RHBDL2: variants seen among roughly 807,000 people sequenced by gnomAD.
The protein encoded by RHBDL2 is rhomboid like 2, also known as rhomboid-related protein 2.
RHBDL2 carries 26 observed loss-of-function variants against 31.7 expected under a neutral mutation model. The observed-to-expected ratio is 0.82, with a 90% CI of 0.60 to 1.14. RHBDL2 has a LOEUF of 1.14. RHBDL2 is among the 50% of genes most tolerant of loss of function. The probability of loss-of-function intolerance (pLI) is 0.00; values close to 1 mark genes in which losing one functional copy is unlikely to be tolerated. For synonymous variants in RHBDL2, 123 were observed against 127.2 expected (o/e 0.97, Z 0.22); for missense variants, 336 against 364.4 (o/e 0.92, Z 0.63).
chr1:38,922,995 C>A (rs1643333388), intron 1 of RHBDL2, among the ~76,000 whole-genome samples: 1 of 151,738 alleles, frequency 6.6e-6, no homozygotes, highest in Non-Finnish European at 1.5e-5. Flanking sequence ...GAGGCTGAGG[C>A]AGGAGAATCA....
At chr1:38,903,866 AATAC>A (rs1336877834) in intron 4 of RHBDL2, among the ~76,000 whole-genome samples, 3 of 152,234 alleles carry the variant, frequency 2.0e-5, no homozygotes, top group African/African-American at 7.2e-5. Flanking sequence ...AAGATATACA[AATAC>A]ATAAGTGGAA....
intron 1 of RHBDL2, among the ~76,000 whole-genome samples, chr1:38,923,549 T>G (rs186049183): frequency 3.9e-5 from 6 of 152,272 alleles, no homozygotes; most frequent in Admixed American, 3.9e-4. Context: ...GTATATAAAC[T>G]CCATGGGCTC....
At chr1:38,925,528 AAAG>A (rs1020474068) in intron 1 of RHBDL2, among the ~76,000 whole-genome samples, 1 of 152,004 alleles carries the variant, frequency 6.6e-6, no homozygotes, top group African/African-American at 2.4e-5. Context: ...AAAAAAAAAA[AAAG>A]GTTAATCTCT....
In RHBDL2 at chr1:38,925,066, C is replaced by T. The variant is rs146759018; in HGVS notation, c.-125-5729G>A. Reference sequence around the variant, plus strand: ...AAAGTGCTGGGATTATAGGCTTAAACCACCATGCCCAGCCGAAAAGAGATT... The same window carrying T: ...AAAGTGCTGGGATTATAGGCTTAAATCACCATGCCCAGCCGAAAAGAGATT... On this transcript the variant is annotated intron_variant, in intron 1 of 7. Transcript: ENST00000372990. 3.7e-3 allele frequency among the ~76,000 whole-genome samples: 558 copies of T among 151,752 alleles called. 6 individuals are homozygous for T. The highest frequency in any genetic ancestry group is 0.013 in the African/African-American group (537 of 41,402).
At position 38,919,019 on chromosome 1, in the gene RHBDL2, C is replaced by G. The variant is rs1186650352; in HGVS notation, c.194G>C (p.Arg65Thr). The G allele has an allele frequency of 1.1e-5, 18 of 1,614,170 alleles. No individual in the cohort carries two copies. The highest frequency in any genetic ancestry group is 1.5e-5 in the Non-Finnish European group (18 of 1,180,038). ...PEKSRGTYLE[R>T]ANCFPPPVFI... ...CACGGGAGGCGGGAAGCAGTTAGCT[C>G]TCTCCAAGTATGTTCCTCGGGACTT... is the stretch of plus-strand genomic sequence containing the variant. Residue 65 changes from arginine to threonine, a missense_variant, in exon 2 of 8, where the codon AGA (arginine) becomes ACA (threonine). By Grantham distance (71) the Arg-to-Thr change is moderately conservative. Coordinates refer to ENST00000372990, the MANE Select transcript of RHBDL2 (RefSeq NM_017821.5).
At chr1:38,904,223 C>T (rs1022922001) in intron 4 of RHBDL2, among the ~76,000 whole-genome samples, 6 of 152,134 alleles carry the variant, frequency 3.9e-5, no homozygotes, top group African/African-American at 1.4e-4. Flanking sequence ...GTAATCCCAG[C>T]GCTTTGGGAG....
At chr1:38,900,614 C>A (rs1642976850) in intron 4 of RHBDL2, among the ~76,000 whole-genome samples, 2 of 151,496 alleles carry the variant, frequency 1.3e-5, no homozygotes, top group South Asian at 4.2e-4. Context: ...GAGTTAGACT[C>A]TGTCTAAAAA....
chr1:38,903,709 G>A (rs1011250689), intron 4 of RHBDL2, among the ~76,000 whole-genome samples: 3 of 151,934 alleles, frequency 2.0e-5, no homozygotes, highest in Admixed American at 2.0e-4. Context: ...TTTTAGAAAC[G>A]CACAAACCAA....
At chr1:38,926,889 A>T (rs1188035603) in intron 1 of RHBDL2, 1 of 152,416 alleles carries the variant, frequency 6.6e-6, no homozygotes, top group Admixed American at 6.5e-5. Context: ...TCAGCAGCAC[A>T]TATACTAAAA....
chr1:38,887,943 A>T lies in RHBDL2; in HGVS notation c.732+20T>A, dbSNP rs1169675323. The T allele has an allele frequency of 6.4e-7, 1 of 1,553,956 alleles. No individual in the cohort carries two copies. The highest frequency in any genetic ancestry group is 8.8e-7 in the Non-Finnish European group (1 of 1,130,212). ...CAGTAAACTAATTTCTATTTTATAA[A>T]AGAAAGAAACTGAACTCACCGGAGA... On this transcript the variant is annotated intron_variant, in intron 7 of 7. Coordinates refer to ENST00000372990, the MANE Select transcript of RHBDL2 (RefSeq NM_017821.5).
intron 1 of RHBDL2, among the ~76,000 whole-genome samples, chr1:38,925,396 G>T (rs930604785): frequency 6.6e-6 from 1 of 152,058 alleles, no homozygotes; most frequent in Non-Finnish European, 1.5e-5. Flanking sequence ...TACTCGGGAG[G>T]CTGAGACAGG....
At chr1:38,921,083 G>C (rs1225621432) in intron 1 of RHBDL2, among the ~76,000 whole-genome samples, 1 of 152,154 alleles carries the variant, frequency 6.6e-6, no homozygotes, top group Admixed American at 6.5e-5. Context: ...TTGCCGGGAA[G>C]CTTACTTGAG....
intron 4 of RHBDL2, 37 bp downstream of exon 4, chr1:38,911,285 C>G (rs2124325204): frequency 7.3e-7 from 1 of 1,370,018 alleles, no homozygotes; most frequent in East Asian, 2.3e-5. Context: ...CCTAAGAGCC[C>G]AGAGGTATTG....
chr1:38,915,212 A>T (rs1438686598), intron 3 of RHBDL2, among the ~76,000 whole-genome samples: 1 of 147,994 alleles, frequency 6.8e-6, no homozygotes, highest in Non-Finnish European at 1.5e-5. Context: ...GGCTTACTGC[A>T]ACCTCCGCCT....
intron 4 of RHBDL2, among the ~76,000 whole-genome samples, chr1:38,908,322 G>A (rs1311705594): frequency 2.0e-5 from 3 of 151,920 alleles, no homozygotes; most frequent in Non-Finnish European, 4.4e-5. Flanking sequence ...AGACCAGCCT[G>A]ACCAACATGG....
Position 38,919,247 on chromosome 1 carries a change from G to A in RHBDL2, c.-35C>T, listed in dbSNP as rs1227459331. The A allele has an allele frequency of 6.2e-7, 1 of 1,613,784 alleles. No individual in the cohort carries two copies. The highest frequency in any genetic ancestry group is 8.5e-7 in the Non-Finnish European group (1 of 1,180,004). On this transcript the variant is annotated 5_prime_UTR_variant, in exon 2 of 8. Coordinates refer to ENST00000372990, the MANE Select transcript of RHBDL2 (RefSeq NM_017821.5). ...TCCTCCCTCCTCCCCAGAAGGACAT[G>A]AATCCCAGGGAACAGCAGGTGGCCC...
intron 5 of RHBDL2, among the ~76,000 whole-genome samples, chr1:38,894,314 TTTGTTGTTGTTG>T (rs370276049): frequency 1.3e-5 from 2 of 151,766 alleles, no homozygotes; most frequent in South Asian, 4.2e-4. Context: ...TACCTAGAAT[TTTGTTGTTGTTG>T]TTGTTGTTGT....
rs578031923 is a variant in RHBDL2, at chr1:38,904,467, G to A, written c.508+6855C>T. Among the ~76,000 whole-genome samples, 217 of 143,840 alleles carry A rather than the reference G, an allele frequency of 1.5e-3. 1 individual carries two copies. Among genetic ancestry groups the A allele is most frequent in the African/African-American group, 5.6e-3 (211 of 37,358 alleles). The allele number at this position is 143,840 out of a possible 152,430, so 94.4% of individuals were successfully genotyped here. A position where few individuals can be genotyped will look rare whatever the true frequency, so the allele number is the denominator to read the frequency against. ...AGTCTGGGTGACAGAATGAGACTCC[G>A]TCTCAAAAAAAAAAGAAAAAAAAAA... On this transcript the variant is annotated intron_variant, in intron 4 of 7. Transcript: ENST00000372990.
At chr1:38,911,635 TGTGTGTGTGTGCGC>T (rs772791248) in intron 3 of RHBDL2, among the ~76,000 whole-genome samples, 21 of 113,456 alleles carry the variant, frequency 1.9e-4, no homozygotes, top group African/African-American at 4.4e-4. Flanking sequence ...TGTGTGTGTG[TGTGTGTGTGTGCGC>T]GCGCGCGCGC....
Sources: gnomAD v4.1 joint callset for allele counts (sites outside exome capture counted in the v4.1 genomes callset) on GRCh38, gnomAD v4.1.1 for gene constraint, MANE v1.5 for transcripts, NCBI Gene and HGNC (gene_info 2026-07-23, HGNC 2026-07-21) for gene names.